LRRC4C: variants seen among roughly 807,000 people sequenced by gnomAD.
LRRC4C encodes leucine-rich repeat-containing protein 4C.
Under a neutral mutation model 33.6 loss-of-function variants are expected in LRRC4C, and 5 were observed. The ratio of observed to expected loss-of-function variants is 0.15; its 90% CI spans 0.08 to 0.31. LRRC4C has a LOEUF of 0.31. Ranked by LOEUF, LRRC4C falls within the 10% of genes least tolerant of loss-of-function variation. The pLI is 1.00. For synonymous variants in LRRC4C, 329 were observed against 302.0 expected, an observed-to-expected ratio of 1.09 and a Z score of -0.93; for missense variants, 560 against 796.7, an observed-to-expected ratio of 0.70 and a Z score of 3.58.
chr11:40,471,786 C>G (rs909749940), intron 3 of LRRC4C, among the ~76,000 whole-genome samples: 15 of 151,900 alleles, frequency 9.9e-5, no homozygotes, highest in African/African-American at 3.6e-4. Context: ...ATATTTAGGA[C>G]TTGAACTCAG....
chr11:40,473,580 A>G lies in LRRC4C; in HGVS notation c.-269-153859T>C, dbSNP rs560003347. ...CCCTCTCTCACCACTCTAATTCAAC[A>G]TGGTACTGGAAGTTCTGCCCGGGGC... On this transcript the variant is annotated intron_variant, in intron 3 of 6. Transcript: ENST00000528697. Among the ~76,000 whole-genome samples the G allele has an allele frequency of 8.3e-4, 127 of 152,244 alleles. 1 individual carries two copies. In the Middle Eastern group the frequency reaches 0.014, roughly 16 times the overall value.
intron 2 of LRRC4C, among the ~76,000 whole-genome samples, chr11:40,877,546 A>G (rs1468067964): frequency 1.3e-5 from 2 of 152,154 alleles, no homozygotes; most frequent in Non-Finnish European, 2.9e-5. Context: ...TTATGGTGCT[A>G]GCCAAAAGGG....
At chr11:40,126,581 G>A (rs1856244090) in intron 6 of LRRC4C, among the ~76,000 whole-genome samples, 1 of 152,186 alleles carries the variant, frequency 6.6e-6, no homozygotes, top group African/African-American at 2.4e-5. Flanking sequence ...ATAGGTACTA[G>A]TGTAAATCAA....
chr11:40,223,703 A>C (rs1236225422), intron 5 of LRRC4C, among the ~76,000 whole-genome samples: 1 of 152,250 alleles, frequency 6.6e-6, no homozygotes, highest in Non-Finnish European at 1.5e-5. Context: ...AAGGGAACAG[A>C]CAAAATACCA....
At chr11:40,245,967 C>A (rs1866297269) in intron 4 of LRRC4C, among the ~76,000 whole-genome samples, 1 of 150,290 alleles carries the variant, frequency 6.7e-6, no homozygotes, top group Non-Finnish European at 1.5e-5. Flanking sequence ...TTGTTAAAGT[C>A]CTAACTTTTT....
intron 2 of LRRC4C, among the ~76,000 whole-genome samples, chr11:40,649,366 A>G (rs975528928): frequency 5.9e-5 from 9 of 152,162 alleles, no homozygotes; most frequent in Non-Finnish European, 4.4e-5. Context: ...CCTTGCTAGG[A>G]AAAGAATTTA....
At chr11:40,777,416 T>G (rs970901701) in intron 2 of LRRC4C, among the ~76,000 whole-genome samples, 2 of 152,098 alleles carry the variant, frequency 1.3e-5, no homozygotes, top group African/African-American at 4.8e-5. Flanking sequence ...ATTTGGGGTG[T>G]GTATATGTTT....
At chr11:41,211,747 T>G (rs1946832674) in intron 1 of LRRC4C, among the ~76,000 whole-genome samples, 1 of 152,224 alleles carries the variant, frequency 6.6e-6, no homozygotes, top group South Asian at 2.1e-4. Flanking sequence ...ATATTTGGGT[T>G]GGTTCCAAGT....
At chr11:40,835,559 ATT>A (rs777841196) in intron 2 of LRRC4C, among the ~76,000 whole-genome samples, 2 of 152,184 alleles carry the variant, frequency 1.3e-5, no homozygotes, top group Non-Finnish European at 2.9e-5. Context: ...CAAAAATCTG[ATT>A]TTATACATCT....
intron 1 of LRRC4C, among the ~76,000 whole-genome samples, chr11:41,230,906 C>CAAA (rs200070136): frequency 9.5e-5 from 10 of 104,714 alleles, no homozygotes; most frequent in African/African-American, 2.2e-4. Context: ...AACAAATTTA[C>CAAA]AAAAAAAAAA....
chr11:41,355,095 G>T (rs1952113604), intron 1 of LRRC4C, among the ~76,000 whole-genome samples: 3 of 152,102 alleles, frequency 2.0e-5, no homozygotes, highest in Middle Eastern at 3.4e-3. Context: ...AACTCTGCAT[G>T]TGACAAGGAT....
At chr11:41,333,639 G>T (rs766640178) in intron 1 of LRRC4C, among the ~76,000 whole-genome samples, 1 of 152,090 alleles carries the variant, frequency 6.6e-6, no homozygotes, top group Admixed American at 6.6e-5. Flanking sequence ...TCTATTAGTG[G>T]CATTAAAGCA....
chr11:40,344,457 T>C (rs1947028065), intron 3 of LRRC4C, among the ~76,000 whole-genome samples: 2 of 152,180 alleles, frequency 1.3e-5, no homozygotes, highest in Non-Finnish European at 2.9e-5. Flanking sequence ...TCAACATTCC[T>C]TTATGTTAAA....
chr11:41,117,571 C>T (rs544826106), intron 1 of LRRC4C, among the ~76,000 whole-genome samples: 2 of 152,130 alleles, frequency 1.3e-5, no homozygotes, highest in South Asian at 2.1e-4. Context: ...GCATTGATGT[C>T]ATCATTATTT....
At chr11:41,032,796 G>T (rs1410127216) in intron 1 of LRRC4C, among the ~76,000 whole-genome samples, 1 of 151,938 alleles carries the variant, frequency 6.6e-6, no homozygotes, top group Non-Finnish European at 1.5e-5. Context: ...ATTAGTTATG[G>T]TGAATGCATT....
At chr11:40,420,521 T>C (rs1051739962) in intron 3 of LRRC4C, among the ~76,000 whole-genome samples, 17 of 152,212 alleles carry the variant, frequency 1.1e-4, no homozygotes, top group Non-Finnish European at 1.0e-4. Flanking sequence ...TCTAAAGTCC[T>C]TTATTTAAAA....
At chr11:40,748,605 C>G (rs1948540992) in intron 2 of LRRC4C, among the ~76,000 whole-genome samples, 1 of 151,932 alleles carries the variant, frequency 6.6e-6, no homozygotes, top group Non-Finnish European at 1.5e-5. Context: ...AACCAAAAAA[C>G]AATTGACAAT....
chr11:40,731,251 G>A (rs1446612269), intron 2 of LRRC4C, among the ~76,000 whole-genome samples: 1 of 152,016 alleles, frequency 6.6e-6, no homozygotes, highest in Non-Finnish European at 1.5e-5. Flanking sequence ...CCCGGGAGGC[G>A]GAGCTTGCAG....
intron 1 of LRRC4C, among the ~76,000 whole-genome samples, chr11:41,064,598 C>A (rs1938068414): frequency 6.6e-6 from 1 of 152,172 alleles, no homozygotes; most frequent in Admixed American, 6.5e-5. Context: ...TGTCCCCAGC[C>A]AAAACTCTTG....
Sources: gnomAD v4.1 joint callset for allele counts (sites outside exome capture counted in the v4.1 genomes callset) on GRCh38, gnomAD v4.1.1 for gene constraint, MANE v1.5 for transcripts, NCBI Gene and HGNC (gene_info 2026-07-23, HGNC 2026-07-21) for gene names.